AKAP6: variants seen among roughly 807,000 people sequenced by gnomAD.
AKAP6 encodes the protein A-kinase anchor protein 6.
AKAP6 carries 58 observed loss-of-function variants against 188.5 expected under a neutral mutation model. That is an observed-to-expected ratio of 0.31 (90% CI 0.25 to 0.38). The LOEUF is 0.38. AKAP6 is among the 10% of genes least tolerant of loss of function. AKAP6 has a pLI of 1.00. For missense variants in AKAP6, 2,710 were observed against 2,740.0 expected, an observed-to-expected ratio of 0.99 and a Z score of 0.24; for synonymous variants, 989 against 998.6, an observed-to-expected ratio of 0.99 and a Z score of 0.18.
intron 5 of AKAP6, 63 bp downstream of exon 5, chr14:32,577,305 G>A (rs1031575737): frequency 5.8e-6 from 9 of 1,560,878 alleles, no homozygotes; most frequent in African/African-American, 2.8e-5. Flanking sequence ...CTGCTTGTTT[G>A]TTTATGAGAA....
At chr14:32,641,420 C>T (rs185199654) in intron 7 of AKAP6, among the ~76,000 whole-genome samples, 162 of 144,502 alleles carry the variant, frequency 1.1e-3, no homozygotes, top group Middle Eastern at 7.4e-3. Flanking sequence ...GGAGGATTGC[C>T]AGAGCTCAGG....
intron 1 of AKAP6, among the ~76,000 whole-genome samples, chr14:32,351,554 C>T (rs1309317090): frequency 1.5e-5 from 2 of 135,078 alleles, no homozygotes; most frequent in East Asian, 2.2e-4. Context: ...CAGAGCAAGA[C>T]TTCATCTCAA....
At position 32,536,789 on chromosome 14, in the gene AKAP6, T is replaced by C. The variant is rs181392550; in HGVS notation, c.576+984T>C. Among the ~76,000 whole-genome samples the C allele has an allele frequency of 6.1e-3, 933 of 152,250 alleles. 10 individuals are homozygous for C. Among genetic ancestry groups the C allele is most frequent in the African/African-American group, 0.022 (898 of 41,548 alleles). On this transcript the variant is annotated intron_variant, in intron 3 of 13. Coordinates refer to ENST00000280979, the MANE Select transcript of AKAP6 (RefSeq NM_004274.5). ...CTTAAATACAATGGACATATATTTA[T>C]AGAAAAAAAAGTGTTTTTGCTTGCT... is the stretch of plus-strand genomic sequence containing the variant.
chr14:32,650,350 C>T lies in AKAP6; in HGVS notation c.2731-27961C>T, dbSNP rs142256002. 5.9e-3 allele frequency among the ~76,000 whole-genome samples: 894 copies of T among 152,286 alleles called. 11 individuals carry two copies. Among genetic ancestry groups the T allele is most frequent in the South Asian group, 0.027 (131 of 4,826 alleles). ...AAATACAGCCGGGCGCAGTGTCTCA[C>T]ACCTGTAATCCCAGCATTTTGGGAG... On this transcript the variant is annotated intron_variant, in intron 7 of 13. Coordinates refer to ENST00000280979, the MANE Select transcript of AKAP6 (RefSeq NM_004274.5).
intron 2 of AKAP6, among the ~76,000 whole-genome samples, chr14:32,523,791 TAAA>T (rs55994452): frequency 1.9e-5 from 2 of 107,120 alleles, no homozygotes. Context: ...TCCTCCTGAT[TAAA>T]AAAAAAAAAA....
In AKAP6 at chr14:32,832,223, A is replaced by C. The variant is rs1270768313; in HGVS notation, c.*2418A>C. 1 of 152,152 alleles carries C rather than the reference A, an allele frequency of 6.6e-6. No homozygotes were observed. The highest frequency in any genetic ancestry group is 2.4e-5 in the African/African-American group (1 of 41,446). 9.4% of individuals were successfully genotyped at this position (152,152 alleles called of 1,614,324 possible). On this transcript the variant is annotated 3_prime_UTR_variant, in exon 14 of 14. Coordinates refer to ENST00000280979, the MANE Select transcript of AKAP6 (RefSeq NM_004274.5). ...TTGCAATAACAGAGTACACAAGTATAGTGGCCCAGGATGTAGTGAAAGAAC... is the reference window on the plus strand; with the variant it reads ...TTGCAATAACAGAGTACACAAGTATCGTGGCCCAGGATGTAGTGAAAGAAC...
chr14:32,572,703 C>T (rs968323359), intron 4 of AKAP6, among the ~76,000 whole-genome samples: 1 of 152,204 alleles, frequency 6.6e-6, no homozygotes, highest in African/African-American at 2.4e-5. Context: ...GCCAAAGCCT[C>T]TAGCAAATTA....
chr14:32,733,264 A>C (rs1332414519), intron 10 of AKAP6: 2 of 154,122 alleles, frequency 1.3e-5, no homozygotes, highest in Non-Finnish European at 2.9e-5. Flanking sequence ...TGTTACCCAG[A>C]GACCAGGATG....
At chr14:32,507,476 T>C (rs989054281) in intron 2 of AKAP6, among the ~76,000 whole-genome samples, 4 of 152,158 alleles carry the variant, frequency 2.6e-5, no homozygotes, top group African/African-American at 9.7e-5. Context: ...GGCTGGGTAG[T>C]TGTGCTTATT....
chr14:32,509,423 G>A (rs1313115078), intron 2 of AKAP6, among the ~76,000 whole-genome samples: 1 of 151,820 alleles, frequency 6.6e-6, no homozygotes, highest in East Asian at 1.9e-4. Context: ...CATTGTTTGG[G>A]GCTCTTAAGG....
rs1176374786 is a variant in AKAP6, at chr14:32,546,341, A to G, written c.1688A>G (p.Asn563Ser). 3.1e-6 allele frequency: 5 copies of G among 1,614,094 alleles called. No homozygotes were observed. The African/African-American group carries it at 5.3e-5, about 17-fold the overall frequency. ...SLEPCNQRSW[N>S]AKLQLQSETS... ...GAGCCTTGTAATCAGAGAAGTTGGA[A>G]TGCCAAATTGCAATTGCAGTCAGAA... The change falls in exon 4 of 14, where the codon AAT becomes AGT. Residue 563 changes from asparagine (N) to serine (S), a missense_variant. Coordinates refer to ENST00000280979, the MANE Select transcript of AKAP6 (RefSeq NM_004274.5).
At chr14:32,663,279 G>A (rs1888781063) in intron 7 of AKAP6, among the ~76,000 whole-genome samples, 1 of 151,952 alleles carries the variant, frequency 6.6e-6, no homozygotes. Flanking sequence ...CCTTTTAAAA[G>A]GATTTTAAAA....
chr14:32,670,148 A>C (rs941530560), intron 7 of AKAP6, among the ~76,000 whole-genome samples: 1 of 151,924 alleles, frequency 6.6e-6, no homozygotes, highest in Non-Finnish European at 1.5e-5. Flanking sequence ...CATGAAAACT[A>C]TCACAAAGCC....
chr14:32,619,032 T>TG (rs1886705032), intron 7 of AKAP6, among the ~76,000 whole-genome samples: 1 of 151,968 alleles, frequency 6.6e-6, no homozygotes, highest in African/African-American at 2.4e-5. Context: ...TGGGATTATT[T>TG]GTTTTTTTTT....
chr14:32,359,807 G>C (rs1014815585), intron 1 of AKAP6, among the ~76,000 whole-genome samples: 3 of 152,004 alleles, frequency 2.0e-5, no homozygotes, highest in Non-Finnish European at 2.9e-5. Context: ...TTTTTGGGAG[G>C]GTAACACAAA....
intron 7 of AKAP6, among the ~76,000 whole-genome samples, chr14:32,619,490 G>A (rs1164627226): frequency 1.3e-5 from 2 of 152,084 alleles, no homozygotes; most frequent in African/African-American, 2.4e-5. Flanking sequence ...GTAAGTATTT[G>A]CCTTTATTTC....
chr14:32,807,807 ATT>A, intron 12 of AKAP6, among the ~76,000 whole-genome samples: 1 of 152,342 alleles, frequency 6.6e-6, no homozygotes, highest in East Asian at 1.9e-4. Context: ...ACCTTCTCAC[ATT>A]GTTTGTTTCC....
At chr14:32,476,522 A>G (rs1410302766) in intron 2 of AKAP6, among the ~76,000 whole-genome samples, 2 of 152,184 alleles carry the variant, frequency 1.3e-5, no homozygotes, top group African/African-American at 2.4e-5. Flanking sequence ...TTTGTATAGA[A>G]TGCAAGTCTC....
chr14:32,617,107 C>T (rs1886613103), intron 7 of AKAP6: 2 of 152,388 alleles, frequency 1.3e-5, no homozygotes, highest in Non-Finnish European at 1.5e-5. Context: ...CCTCTCCTAT[C>T]CAGAATCCTT....
Sources: allele counts gnomAD v4.1 joint callset (sites outside exome capture counted in the v4.1 genomes callset), GRCh38; gene constraint gnomAD v4.1.1; transcripts MANE v1.5; gene names NCBI Gene and HGNC (gene_info 2026-07-23, HGNC 2026-07-21).